MGAT4C: variants seen among roughly 807,000 people sequenced by gnomAD.
The protein encoded by MGAT4C is alpha-1,3-mannosyl-glycoprotein 4-beta-N-acetylglucosaminyltransferase C.
A neutral mutation model predicts 40.1 loss-of-function variants in MGAT4C; 19 were observed. That is an observed-to-expected ratio of 0.47 (90% CI 0.33 to 0.70). The LOEUF (loss-of-function observed/expected upper bound fraction) is 0.70. Ranked by LOEUF, MGAT4C falls within the 30% of genes least tolerant of loss-of-function variation. MGAT4C has a pLI of 0.02. For synonymous variants in MGAT4C, 181 were observed against 187.1 expected, an observed-to-expected ratio of 0.97 and a Z score of 0.27; for missense variants, 491 against 563.2, an observed-to-expected ratio of 0.87 and a Z score of 1.30.
At chr12:86,612,380 A>G (rs756673398) in intron 2 of MGAT4C, among the ~76,000 whole-genome samples, 1 of 152,144 alleles carries the variant, frequency 6.6e-6, no homozygotes, top group South Asian at 2.1e-4. Context: ...CCTGTTATAC[A>G]TTCATCTTAT....
intron 2 of MGAT4C, among the ~76,000 whole-genome samples, chr12:86,600,824 G>A (rs1332251347): frequency 2.0e-5 from 3 of 152,192 alleles, no homozygotes; most frequent in Admixed American, 2.0e-4. Flanking sequence ...TTTGGACTCC[G>A]GCATCCCTGT....
chr12:86,533,150 C>T (rs995527471), intron 2 of MGAT4C, among the ~76,000 whole-genome samples: 5 of 151,988 alleles, frequency 3.3e-5, no homozygotes, highest in Admixed American at 2.6e-4. Flanking sequence ...TTTAGCGATA[C>T]AGCAACATTT....
intron 1 of MGAT4C, among the ~76,000 whole-genome samples, chr12:86,756,931 T>A (rs1293642327): frequency 6.6e-6 from 1 of 152,150 alleles, no homozygotes; most frequent in African/African-American, 2.4e-5. Flanking sequence ...AACAAAATCA[T>A]AATAAGCCTT....
chr12:86,116,301 A>G (rs778127015), intron 1 of MGAT4C, among the ~76,000 whole-genome samples: 7 of 152,006 alleles, frequency 4.6e-5, no homozygotes, highest in Non-Finnish European at 8.8e-5. Context: ...TGAACAATAA[A>G]GTATAGGCGA....
At chr12:86,806,430 CTGTGTG>C (rs762478208) in intron 1 of MGAT4C, among the ~76,000 whole-genome samples, 1 of 147,494 alleles carries the variant, frequency 6.8e-6, no homozygotes, top group Non-Finnish European at 1.5e-5. Flanking sequence ...TTACTTACAT[CTGTGTG>C]TGTGTGTGTG....
rs1955533440 is a variant in MGAT4C, at chr12:86,363,815, C to A, written c.-119-29688G>T. Among the ~76,000 whole-genome samples the A allele has an allele frequency of 4.0e-5, 6 of 151,808 alleles. No individual in the cohort carries two copies. The South Asian group carries it at 1.2e-3, about 31-fold the overall frequency. On this transcript the variant is annotated intron_variant, in intron 3 of 7. Coordinates refer to the MGAT4C transcript ENST00000548651. ...TCAGTAGGAAAGAGGGATATTATTACAAAGCCCATAGCTATTCAATATATA... is the reference window on the plus strand; with the variant it reads ...TCAGTAGGAAAGAGGGATATTATTAAAAAGCCCATAGCTATTCAATATATA...
At chr12:86,718,696 C>T (rs1950689802) in intron 2 of MGAT4C, among the ~76,000 whole-genome samples, 1 of 152,130 alleles carries the variant, frequency 6.6e-6, no homozygotes, top group Non-Finnish European at 1.5e-5. Context: ...GCTTCACCTC[C>T]TGTCAGATCA....
At chr12:86,631,927 C>T (rs910764789) in intron 2 of MGAT4C, among the ~76,000 whole-genome samples, 1 of 152,064 alleles carries the variant, frequency 6.6e-6, no homozygotes, top group African/African-American at 2.4e-5. Flanking sequence ...AACTAAAGAG[C>T]TTCTGCACAG....
At chr12:86,282,957 A>C (rs946743833) in intron 4 of MGAT4C, among the ~76,000 whole-genome samples, 1 of 152,064 alleles carries the variant, frequency 6.6e-6, no homozygotes, top group Non-Finnish European at 1.5e-5. Flanking sequence ...GATCAAAGCT[A>C]CTCAGTATTT....
In MGAT4C at chr12:86,763,629, T is replaced by C. The variant is rs148292594; in HGVS notation, c.-261-36388A>G. Among the ~76,000 whole-genome samples, 497 of 152,312 alleles carry C rather than the reference T, an allele frequency of 3.3e-3. 3 individuals are homozygous for C. The highest frequency in any genetic ancestry group is 0.014 in the Middle Eastern group (4 of 294). On this transcript the variant is annotated intron_variant, in intron 1 of 7. Transcript: ENST00000548651. ...AATTTCAATAAAACCAATTACAATA[T>C]TGCACATTATTTTGAGCATTTTGTA...
chr12:86,420,531 T>C (rs750688802), intron 3 of MGAT4C, among the ~76,000 whole-genome samples: 8 of 152,116 alleles, frequency 5.3e-5, no homozygotes, highest in Non-Finnish European at 1.2e-4. Flanking sequence ...TAGCAGCTCA[T>C]AATATGAAGT....
chr12:86,130,667 T>G (rs1881043230), intron 1 of MGAT4C, among the ~76,000 whole-genome samples: 1 of 152,004 alleles, frequency 6.6e-6, no homozygotes, highest in African/African-American at 2.4e-5. Flanking sequence ...TTCAATGATT[T>G]TTTTTCTGAA....
intron 1 of MGAT4C, among the ~76,000 whole-genome samples, chr12:86,155,951 A>G (rs1377541628): frequency 6.6e-6 from 1 of 152,144 alleles, no homozygotes; most frequent in African/African-American, 2.4e-5. Context: ...AAATATGAAT[A>G]TCATTTTAGT....
At chr12:86,114,396 C>T (rs73175662) in intron 1 of MGAT4C, among the ~76,000 whole-genome samples, 2,019 of 151,790 alleles carry the variant, frequency 0.013, 20 homozygotes, top group Middle Eastern at 0.027. Context: ...GTTAACTCTT[C>T]AACAGAGGTT....
chr12:86,228,017 C>T (rs1313945798), intron 1 of MGAT4C, among the ~76,000 whole-genome samples: 6 of 151,746 alleles, frequency 4.0e-5, no homozygotes, highest in Non-Finnish European at 7.4e-5. Flanking sequence ...TTATATCTTG[C>T]TTATGACCTC....
At chr12:86,367,820 A>G (rs1486299521) in intron 3 of MGAT4C, among the ~76,000 whole-genome samples, 1 of 151,962 alleles carries the variant, frequency 6.6e-6, no homozygotes, top group Non-Finnish European at 1.5e-5. Flanking sequence ...ACAAACAAAC[A>G]AACAAACAAA....
chr12:86,554,133 TAC>T (rs5799783), intron 2 of MGAT4C, among the ~76,000 whole-genome samples: 8,235 of 149,904 alleles, frequency 0.055, 357 homozygotes, highest in African/African-American at 0.13. Flanking sequence ...TACACATACA[TAC>T]ACACACACAC....
chr12:86,464,890 T>C (rs1298740851), intron 2 of MGAT4C, among the ~76,000 whole-genome samples: 2 of 152,152 alleles, frequency 1.3e-5, no homozygotes, highest in Non-Finnish European at 2.9e-5. Context: ...CATATATGAA[T>C]AATGCATTAT....
intron 2 of MGAT4C, among the ~76,000 whole-genome samples, chr12:86,671,091 C>T (rs1329608054): frequency 6.6e-6 from 1 of 152,192 alleles, no homozygotes; most frequent in East Asian, 1.9e-4. Context: ...GAAAATGTAG[C>T]ATTGCTACGC....
Sources: allele counts gnomAD v4.1 joint callset (sites outside exome capture counted in the v4.1 genomes callset), GRCh38; gene constraint gnomAD v4.1.1; transcripts MANE v1.5; gene names NCBI Gene and HGNC (gene_info 2026-07-23, HGNC 2026-07-21).